UNC79: variants seen among roughly 807,000 people sequenced by gnomAD.
UNC79 encodes protein unc-79 homolog.
Under a neutral mutation model 283.1 loss-of-function variants are expected in UNC79, and 37 were observed. The ratio of observed to expected loss-of-function variants is 0.13; its 90% CI spans 0.10 to 0.17. The LOEUF (loss-of-function observed/expected upper bound fraction) is 0.17, where lower values mean the gene tolerates loss of function less well. Ranked by LOEUF, UNC79 falls within the 10% of genes least tolerant of loss-of-function variation. The pLI is 1.00. For synonymous variants in UNC79, 1,107 were observed against 1,200.2 expected (o/e 0.92, Z 1.61); for missense variants, 2,272 against 3,211.1 (o/e 0.71, Z 7.07).
chr14:93,691,044 T>C (rs989217457), intron 45 of UNC79: 5 of 153,324 alleles, frequency 3.3e-5, no homozygotes, highest in African/African-American at 1.2e-4. Flanking sequence ...CCAAATGATG[T>C]TCACAAAAGG....
chr14:93,558,499 T>C lies in UNC79; in HGVS notation c.1756-13395T>C, dbSNP rs577896036. Reference sequence around the variant, plus strand: ...TGAACCCCGGAGGCGGAGCTTGCATTGAGCCGAGATCGCGCCACTGCACTC... The same window carrying C: ...TGAACCCCGGAGGCGGAGCTTGCATCGAGCCGAGATCGCGCCACTGCACTC... On this transcript the variant is annotated intron_variant, in intron 14 of 48. Transcript: ENST00000555664. 2.5e-4 allele frequency among the ~76,000 whole-genome samples: 38 copies of C among 149,408 alleles called. No homozygotes were observed. The South Asian group carries it at 8.1e-3, about 32-fold the overall frequency.
intron 29 of UNC79, 141 bp from the exon 31 acceptor site, chr14:93,620,751 C>T (rs528765920): frequency 1.1e-5 from 3 of 268,314 alleles, no homozygotes; most frequent in African/African-American, 2.2e-5. Context: ...GGATGAAATA[C>T]CAACCCATGG....
intron 1 of UNC79, among the ~76,000 whole-genome samples, chr14:93,434,326 A>T (rs2056001390): frequency 1.3e-5 from 2 of 152,218 alleles, no homozygotes; most frequent in Admixed American, 1.3e-4. Context: ...TCAAAACAGG[A>T]GGTGAAAGCT....
exon 18 of UNC79, chr14:93,577,935 C>A: frequency 6.2e-7 from 1 of 1,614,160 alleles, no homozygotes; most frequent in Non-Finnish European, 8.5e-7. Context: ...GAGTCCTTTG[C>A]GTAGTCCGTT....
At chr14:93,643,778 A>G in intron 34 of UNC79, 81 bp downstream of exon 37, 1 of 1,553,350 alleles carries the variant, frequency 6.4e-7, no homozygotes, top group South Asian at 1.2e-5. Flanking sequence ...CCAGTTCAAA[A>G]GTGAAACATT....
chr14:93,400,914 A>G (rs1006198305), intron 1 of UNC79, among the ~76,000 whole-genome samples: 1 of 152,218 alleles, frequency 6.6e-6, no homozygotes, highest in Admixed American at 6.5e-5. Context: ...ATTAGATGAT[A>G]CGGATGAAGC....
intron 2 of UNC79, among the ~76,000 whole-genome samples, chr14:93,471,138 G>T (rs993582843): frequency 6.6e-6 from 1 of 152,120 alleles, no homozygotes; most frequent in Admixed American, 6.6e-5. Context: ...TAATTGAATT[G>T]TAATTTCCAG....
intron 32 of UNC79, among the ~76,000 whole-genome samples, chr14:93,638,270 A>G (rs1217046572): frequency 6.6e-6 from 1 of 152,198 alleles, no homozygotes; most frequent in Non-Finnish European, 1.5e-5. Context: ...GCTTTTGCTC[A>G]CATTTCTTTG....
rs754097671 is a variant in UNC79, at chr14:93,529,282, A to C, written c.1053-4A>C. 4 of 1,613,058 alleles carry C rather than the reference A, an allele frequency of 2.5e-6. No homozygotes were observed. The Admixed American group carries it at 6.7e-5, about 27-fold the overall frequency. ...TCAAAAATGAATTTTGTTTTTTTCA[A>C]TAGGGACCACAGTGAGTGGCTGATT... On this transcript the variant is annotated splice_polypyrimidine_tract_variant and splice_region_variant and intron_variant, in intron 9 of 48. Transcript: ENST00000555664.
chr14:93,482,545 C>T (rs1375689952), intron 4 of UNC79, among the ~76,000 whole-genome samples: 1 of 152,144 alleles, frequency 6.6e-6, no homozygotes, highest in Non-Finnish European at 1.5e-5. Flanking sequence ...AGAGGTGAGA[C>T]CGCTTTTTAA....
At chr14:93,558,713 C>G (rs752560710) in intron 14 of UNC79, among the ~76,000 whole-genome samples, 3 of 145,426 alleles carry the variant, frequency 2.1e-5, no homozygotes, top group Non-Finnish European at 3.0e-5. Flanking sequence ...ACCCTTTTGC[C>G]TGCATGCCAG....
rs371950533 is a variant in UNC79 at position 93,347,267 on chromosome 14, A to C, written c.-351+13744A>C. 2.3e-5 allele frequency: 37 copies of C among 1,602,760 alleles called. No homozygotes were observed. The African/African-American group carries it at 4.7e-4, about 20-fold the overall frequency. On this transcript the variant is annotated intron_variant, in intron 1 of 49. Transcript: ENST00000256339. ...GCCTGGCTTTGTCTCACCTGACGCG[A>C]TATGCCTCTCCTGCGTGGGCGCTGT...
intron 41 of UNC79, among the ~76,000 whole-genome samples, chr14:93,675,110 GAA>G (rs2073222072): frequency 2.0e-5 from 3 of 152,164 alleles, no homozygotes; most frequent in Admixed American, 1.3e-4. Flanking sequence ...TGTAAGGTCT[GAA>G]CTATCCAGGT....
intron 39 of UNC79, among the ~76,000 whole-genome samples, chr14:93,662,331 G>C (rs911140952): frequency 1.3e-5 from 2 of 152,136 alleles, no homozygotes; most frequent in African/African-American, 4.8e-5. Flanking sequence ...ACGAAGACAG[G>C]GTTGTAGTAA....
At chr14:93,578,143 G>T in intron 18 of UNC79, 80 bp downstream of exon 18, 1 of 1,318,328 alleles carries the variant, frequency 7.6e-7, no homozygotes, top group Non-Finnish European at 1.1e-6. Flanking sequence ...TCCATGTGTT[G>T]GGCATCTCCA....
Position 93,385,382 on chromosome 14 carries a change from C to T in UNC79, c.-351+51859C>T, listed in dbSNP as rs529894018. On this transcript the variant is annotated intron_variant, in intron 1 of 49. Transcript: ENST00000256339. ...TATAGTTTTCATTGTAGAGATCTTT[C>T]ATTTCTTTCAAAAATTAATTCCTAT... 3.0e-3 allele frequency among the ~76,000 whole-genome samples: 381 copies of T among 128,428 alleles called. 2 individuals are homozygous for T. The highest frequency in any genetic ancestry group is 5.3e-3 in the Non-Finnish European group (320 of 60,876). 84.3% of individuals were successfully genotyped at this position (128,428 alleles called of 152,430 possible).
chr14:93,447,953 C>T (rs534067112), intron 1 of UNC79, among the ~76,000 whole-genome samples: 1 of 152,214 alleles, frequency 6.6e-6, no homozygotes, highest in South Asian at 2.1e-4. Context: ...GTCACGTGGG[C>T]TTCTATTGGC....
At chr14:93,524,348 A>T (rs1298738945) in intron 8 of UNC79, among the ~76,000 whole-genome samples, 1 of 152,248 alleles carries the variant, frequency 6.6e-6, no homozygotes, top group East Asian at 1.9e-4. Context: ...TCAGCTAATG[A>T]ACTCAGGGAA....
chr14:93,572,697 A>G (rs1336786605), exon 16 of UNC79: 4 of 1,613,954 alleles, frequency 2.5e-6, no homozygotes, highest in East Asian at 2.2e-5. Context: ...TTCCAGCAAA[A>G]TGTTTGACAT....
Sources: allele counts gnomAD v4.1 joint callset (sites outside exome capture counted in the v4.1 genomes callset), GRCh38; gene constraint gnomAD v4.1.1; transcripts MANE v1.5; gene names NCBI Gene and HGNC (gene_info 2026-07-23, HGNC 2026-07-21).